Variants in CADM2 observed in about 807,000 individuals in gnomAD.
The protein encoded by CADM2 is cell adhesion molecule 2.
A neutral mutation model predicts 49.8 loss-of-function variants in CADM2; 12 were observed. The observed-to-expected ratio is 0.24, with a 90% CI of 0.15 to 0.39. CADM2 has a LOEUF of 0.39. Ranked by LOEUF, CADM2 falls within the 10% of genes least tolerant of loss-of-function variation. CADM2 has a pLI of 1.00. For synonymous variants in CADM2, 214 were observed against 175.4 expected (o/e 1.22, Z -1.74); for missense variants, 378 against 492.3 (o/e 0.77, Z 2.20).
At position 86,067,322 on chromosome 3, in the gene CADM2, A is replaced by T. The variant is rs548486680; in HGVS notation, c.*539A>T. The T allele has an allele frequency of 8.0e-4, 122 of 152,946 alleles. No individual in the cohort carries two copies. The highest frequency in any genetic ancestry group is 1.4e-3 in the Non-Finnish European group (98 of 68,164). The allele number at this position is 152,946 out of a possible 1,614,324, so 9.5% of individuals were successfully genotyped here. A position where few individuals can be genotyped will look rare whatever the true frequency, so the allele number is the denominator to read the frequency against. ...TATGTCCTAGAAAACATAAAATTAAAAAAAAACACTATAGTGTAGTTTTTG... is the reference window on the plus strand; with the variant it reads ...TATGTCCTAGAAAACATAAAATTAATAAAAAACACTATAGTGTAGTTTTTG... On this transcript the variant is annotated 3_prime_UTR_variant, in exon 10 of 10. Coordinates refer to ENST00000383699, the MANE Select transcript of CADM2 (RefSeq NM_001167675.2).
chr3:85,847,399 G>A (rs1282121717), intron 3 of CADM2, among the ~76,000 whole-genome samples: 3 of 152,114 alleles, frequency 2.0e-5, no homozygotes, highest in South Asian at 4.1e-4. Flanking sequence ...TCAGCTACCC[G>A]GTGATTAGCA....
intron 1 of CADM2, among the ~76,000 whole-genome samples, chr3:85,651,319 A>G (rs1017491875): frequency 9.9e-5 from 15 of 152,154 alleles, no homozygotes; most frequent in African/African-American, 3.6e-4. Context: ...AACAAGAGCA[A>G]TTACAAGGAA....
chr3:85,664,925 T>G (rs1343357314), intron 1 of CADM2, among the ~76,000 whole-genome samples: 1 of 152,000 alleles, frequency 6.6e-6, no homozygotes, highest in African/African-American at 2.4e-5. Flanking sequence ...TAATAAATCA[T>G]TAATTTACTC....
chr3:85,768,794 T>TAC (rs2069825042), intron 2 of CADM2, among the ~76,000 whole-genome samples: 1 of 118,472 alleles, frequency 8.4e-6, no homozygotes, highest in East Asian at 2.4e-4. Context: ...ATAGTATATA[T>TAC]ACACATATAT....
At chr3:85,537,620 TCATGA>T (rs1576749919) in intron 1 of CADM2, among the ~76,000 whole-genome samples, 1 of 42,458 alleles carries the variant, frequency 2.4e-5, no homozygotes, top group Non-Finnish European at 1.0e-4. Context: ...ATTTAACATG[TCATGA>T]CTATTTAACA....
chr3:85,470,193 AC>A (rs1482770527), intron 1 of CADM2, among the ~76,000 whole-genome samples: 1 of 152,194 alleles, frequency 6.6e-6, no homozygotes, highest in African/African-American at 2.4e-5. Context: ...AACTCACAAA[AC>A]TTGTTATGGA....
At chr3:85,966,435 C>T (rs1179669015) in intron 8 of CADM2, among the ~76,000 whole-genome samples, 4 of 151,638 alleles carry the variant, frequency 2.6e-5, no homozygotes, top group African/African-American at 9.7e-5. Flanking sequence ...TACCACTGTG[C>T]TAACTTATTC....
chr3:85,719,685 C>G (rs1237654980), intron 1 of CADM2, among the ~76,000 whole-genome samples: 2 of 151,346 alleles, frequency 1.3e-5, no homozygotes, highest in Admixed American at 1.3e-4. Context: ...GTTATTCTAT[C>G]TCAGGGATGG....
chr3:85,907,268 TATC>T (rs1716928503), intron 5 of CADM2, among the ~76,000 whole-genome samples: 1 of 152,170 alleles, frequency 6.6e-6, no homozygotes, highest in Non-Finnish European at 1.5e-5. Context: ...CCCCTGAAAC[TATC>T]ATGTTATCCA....
intron 1 of CADM2, among the ~76,000 whole-genome samples, chr3:84,979,165 T>G (rs1266314977): frequency 3.3e-5 from 5 of 152,192 alleles, no homozygotes; most frequent in Non-Finnish European, 7.3e-5. Context: ...AATATGATTA[T>G]GTCTTTGTCA....
chr3:85,932,567 G>T (rs576037768), intron 6 of CADM2, among the ~76,000 whole-genome samples: 9 of 152,268 alleles, frequency 5.9e-5, no homozygotes, highest in African/African-American at 2.2e-4. Context: ...CCACCCAACA[G>T]AATCTGAGAA....
At chr3:85,569,531 C>T (rs2062413093) in intron 1 of CADM2, among the ~76,000 whole-genome samples, 1 of 152,062 alleles carries the variant, frequency 6.6e-6, no homozygotes, top group South Asian at 2.1e-4. Flanking sequence ...ATTCTAGCTT[C>T]CAGCCAGCAA....
intron 1 of CADM2, among the ~76,000 whole-genome samples, chr3:84,969,099 A>G (rs929650081): frequency 6.6e-6 from 1 of 151,946 alleles, no homozygotes; most frequent in Non-Finnish European, 1.5e-5. Context: ...ACTTTCTTAT[A>G]TTACATGAGT....
At chr3:85,728,838 T>C (rs1263420306) in intron 2 of CADM2, among the ~76,000 whole-genome samples, 1 of 152,150 alleles carries the variant, frequency 6.6e-6, no homozygotes, top group African/African-American at 2.4e-5. Flanking sequence ...TTTTAAACAC[T>C]CTTAAAACAA....
At chr3:85,384,384 T>C (rs1294471890) in intron 1 of CADM2, among the ~76,000 whole-genome samples, 1 of 152,140 alleles carries the variant, frequency 6.6e-6, no homozygotes, top group Non-Finnish European at 1.5e-5. Flanking sequence ...TGGTACCGTC[T>C]TGCTGCAACC....
chr3:85,181,450 A>G (rs962836399), intron 1 of CADM2, among the ~76,000 whole-genome samples: 5 of 152,146 alleles, frequency 3.3e-5, no homozygotes, highest in Non-Finnish European at 7.4e-5. Flanking sequence ...TATTTGTTAG[A>G]AAACTGAAGT....
At chr3:85,589,656 A>G (rs2063049122) in intron 1 of CADM2, among the ~76,000 whole-genome samples, 9 of 152,082 alleles carry the variant, frequency 5.9e-5, no homozygotes, top group Admixed American at 5.9e-4. Context: ...TGATATTTAC[A>G]TACAGTTTTC....
intron 1 of CADM2, among the ~76,000 whole-genome samples, chr3:85,689,930 A>G (rs2066332426): frequency 6.6e-6 from 1 of 152,218 alleles, no homozygotes; most frequent in African/African-American, 2.4e-5. Context: ...AAAGGAAAAA[A>G]CAGGGCAGTT....
At chr3:85,290,901 G>A (rs1428141179) in intron 1 of CADM2, among the ~76,000 whole-genome samples, 5 of 152,200 alleles carry the variant, frequency 3.3e-5, no homozygotes, top group South Asian at 2.1e-4. Flanking sequence ...CAAAAGGAAC[G>A]CAGTTCCTCA....
Sources: gnomAD v4.1 joint callset for allele counts (sites outside exome capture counted in the v4.1 genomes callset) on GRCh38, gnomAD v4.1.1 for gene constraint, MANE v1.5 for transcripts, NCBI Gene and HGNC (gene_info 2026-07-23, HGNC 2026-07-21) for gene names.